The following ATP4A variants were observed in gnomAD, a reference collection of about 807,000 sequenced individuals.
ATP4A encodes the protein ATPase H+/K+ transporting subunit alpha.
A neutral mutation model predicts 112.1 loss-of-function variants in ATP4A; 73 were observed. The observed-to-expected ratio is 0.65, with a 90% CI of 0.54 to 0.79. ATP4A has a LOEUF of 0.79. Ranked by LOEUF, ATP4A falls within the 30% of genes least tolerant of loss-of-function variation. ATP4A has a pLI of 0.00. For missense variants in ATP4A, 1,081 were observed against 1,425.9 expected, an observed-to-expected ratio of 0.76 and a Z score of 3.90; for synonymous variants, 588 against 588.9, an observed-to-expected ratio of 1.00 and a Z score of 0.02.
Position 35,558,881 on chromosome 19 carries a change from G to A in ATP4A, c.1255+112C>T. ...GGTAGCGAGTCTCCTTTGAGACCTGGAGCCGAGCCGCCCCGCCTTCGTACA... is the reference window on the plus strand; with the variant it reads ...GGTAGCGAGTCTCCTTTGAGACCTGAAGCCGAGCCGCCCCGCCTTCGTACA... On this transcript the variant is annotated intron_variant, in intron 8 of 21. Transcript: ENST00000262623. The surrounding 1 kb of genome is among the most constrained non-coding windows in gnomAD (Gnocchi z 5.1). 7.1e-7 allele frequency: 1 copy of A among 1,401,186 alleles called. No individual in the cohort carries two copies. The highest frequency in any genetic ancestry group is 9.8e-7 in the Non-Finnish European group (1 of 1,016,192). 86.8% of individuals were successfully genotyped at this position (1,401,186 alleles called of 1,614,324 possible).
In ATP4A at chr19:35,554,295, C is replaced by T. The variant is rs577458874; in HGVS notation, c.2482-466G>A. Among the ~76,000 whole-genome samples, 585 of 152,168 alleles carry T rather than the reference C, an allele frequency of 3.8e-3. 2 individuals are homozygous for T. The highest frequency in any genetic ancestry group is 0.013 in the African/African-American group (548 of 41,496). On this transcript the variant is annotated intron_variant, in intron 16 of 21. Transcript: ENST00000262623. Reference sequence around the variant, plus strand: ...CCTGTGACTGCTCAAGCTCAAGTCACAGCCGGGCCACTTATTTGCCCAGTG... The same window carrying T: ...CCTGTGACTGCTCAAGCTCAAGTCATAGCCGGGCCACTTATTTGCCCAGTG...
chr19:35,553,974 C>G (rs771931869), intron 16 of ATP4A, 145 bp from the exon 17 acceptor site: 156 of 1,175,124 alleles, frequency 1.3e-4, no homozygotes, highest in Non-Finnish European at 1.7e-4. Flanking sequence ...GCCACACCAG[C>G]CTGGACAGCC....
Position 35,557,577 on chromosome 19 carries a change from T to C in ATP4A, c.1693+78A>G. 2.7e-6 allele frequency: 4 copies of C among 1,480,400 alleles called. No individual in the cohort carries two copies. Among genetic ancestry groups the C allele is most frequent in the Non-Finnish European group, 3.6e-6 (4 of 1,101,272 alleles). 91.7% of individuals were successfully genotyped at this position (1,480,400 alleles called of 1,614,324 possible). Reference sequence around the variant, plus strand: ...AGCCAGGGATGAGGACGGTCAGGGCTGGGCCGGGAGTGGTGGGCAGGGTCT... The same window carrying C: ...AGCCAGGGATGAGGACGGTCAGGGCCGGGCCGGGAGTGGTGGGCAGGGTCT... On this transcript the variant is annotated intron_variant, in intron 11 of 21. Coordinates refer to ENST00000262623, the MANE Select transcript of ATP4A (RefSeq NM_000704.3). This position sits in a 1 kb window ranked among gnomAD's most constrained non-coding sequence, Gnocchi z 4.4.
chr19:35,559,254 G>T lies in ATP4A; in HGVS notation c.1057-63C>A, dbSNP rs566430523. On this transcript the variant is annotated intron_variant, in intron 7 of 21. Coordinates refer to ENST00000262623, the MANE Select transcript of ATP4A (RefSeq NM_000704.3). The surrounding 1 kb of genome is among the most constrained non-coding windows in gnomAD (Gnocchi z 4.1). ...CCTGGCTTCCAGTCCTCTTCCCCGC[G>T]TCAAAGAACGGGGAAGGCTTTACCC... 8 of 1,544,218 alleles carry T rather than the reference G, an allele frequency of 5.2e-6. No homozygotes were observed. The East Asian group carries it at 1.3e-4, about 26-fold the overall frequency.
At position 35,551,628 on chromosome 19, in the gene ATP4A, C is replaced by G. The variant is rs764113898; in HGVS notation, c.2752-48G>C. 3 of 1,585,516 alleles carry G rather than the reference C, an allele frequency of 1.9e-6. No homozygotes were observed. The highest frequency in any genetic ancestry group is 1.7e-6 in the Non-Finnish European group (2 of 1,165,666). On this transcript the variant is annotated intron_variant, in intron 18 of 21. Transcript: ENST00000262623. This position sits in a 1 kb window ranked among gnomAD's most constrained non-coding sequence, Gnocchi z 5.2. ...AACAGCCTGAGTCCAGCCTGAGTCC[C>G]GGCGGAGAGCCTCTGCAGCCCACCG...
Position 35,555,959 on chromosome 19 carries a change from G to A in ATP4A, c.1870-147C>T. Reference sequence around the variant, plus strand: ...TGCCTGGGATATAGCAGAGACAAAAGAGACAAAAATCCCTGTCCTTGAGGA... The same window carrying A: ...TGCCTGGGATATAGCAGAGACAAAAAAGACAAAAATCCCTGTCCTTGAGGA... On this transcript the variant is annotated intron_variant, in intron 12 of 21. Transcript: ENST00000262623. This position sits in a 1 kb window ranked among gnomAD's most constrained non-coding sequence, Gnocchi z 6.6. 8.7e-7 allele frequency: 1 copy of A among 1,154,392 alleles called. No homozygotes were observed. Among genetic ancestry groups the A allele is most frequent in the Non-Finnish European group, 1.2e-6 (1 of 857,040 alleles). The allele number at this position is 1,154,392 out of a possible 1,614,324, so 71.5% of individuals were successfully genotyped here.
Position 35,550,509 on chromosome 19 carries a change from G to T in ATP4A, c.*106C>A. 1 of 1,453,946 alleles carries T rather than the reference G, an allele frequency of 6.9e-7. No homozygotes were observed. Among genetic ancestry groups the T allele is most frequent in the South Asian group, 1.2e-5 (1 of 84,104 alleles). The allele number at this position is 1,453,946 out of a possible 1,614,324, so 90.1% of individuals were successfully genotyped here. On this transcript the variant is annotated 3_prime_UTR_variant, in exon 22 of 22. Coordinates refer to ENST00000262623, the MANE Select transcript of ATP4A (RefSeq NM_000704.3). The surrounding 1 kb of genome is among the most constrained non-coding windows in gnomAD (Gnocchi z 4.1). Reference sequence around the variant, plus strand: ...TACAGAAGCAGATACTGGTGGGGCTGGGACTCTTGGTTGCTCAGATATCTT... The same window carrying T: ...TACAGAAGCAGATACTGGTGGGGCTTGGACTCTTGGTTGCTCAGATATCTT...
rs1056131986 is a variant in ATP4A at position 35,558,216 on chromosome 19, A to G, written c.1500+146T>C. Reference sequence around the variant, plus strand: ...GGCCTTGCCTCTGGTGGACGGGGCCATAGGCGGAGCGGGAGATGGGGTGGG... The same window carrying G: ...GGCCTTGCCTCTGGTGGACGGGGCCGTAGGCGGAGCGGGAGATGGGGTGGG... On this transcript the variant is annotated intron_variant, in intron 10 of 21. Coordinates refer to ENST00000262623, the MANE Select transcript of ATP4A (RefSeq NM_000704.3). The surrounding 1 kb of genome is among the most constrained non-coding windows in gnomAD (Gnocchi z 5.1). The G allele has an allele frequency of 1.3e-5, 14 of 1,113,046 alleles. No individual in the cohort carries two copies. The African/African-American group carries it at 1.4e-4, about 11-fold the overall frequency. 68.9% of individuals were successfully genotyped at this position (1,113,046 alleles called of 1,614,324 possible).
At chr19:35,561,749 C>G (rs563042008) in intron 4 of ATP4A, among the ~76,000 whole-genome samples, 1 of 151,962 alleles carries the variant, frequency 6.6e-6, no homozygotes, top group East Asian at 1.9e-4. Flanking sequence ...TGGGTCCCTG[C>G]CCTGGTGTCC....
chr19:35,562,704 G>A, intron 3 of ATP4A, 66 bp from the exon 4 acceptor site: 1 of 1,466,310 alleles, frequency 6.8e-7, no homozygotes, highest in Non-Finnish European at 9.1e-7. Flanking sequence ...CCCGTGGAAA[G>A]CCCCCTGCTT....
At position 35,558,954 on chromosome 19, in the gene ATP4A, A is replaced by G; in HGVS notation, c.1255+39T>C. ...CCTCTTCAGGTCTCCACCATCCACC[A>G]GATCCTGCCCTGGCGCCTGTGCCCT... is the stretch of plus-strand genomic sequence containing the variant. On this transcript the variant is annotated intron_variant, in intron 8 of 21. Transcript: ENST00000262623. This position sits in a 1 kb window ranked among gnomAD's most constrained non-coding sequence, Gnocchi z 5.1. The G allele has an allele frequency of 6.2e-7, 1 of 1,609,966 alleles. No homozygotes were observed. Among genetic ancestry groups the G allele is most frequent in the Non-Finnish European group, 8.5e-7 (1 of 1,176,834 alleles).
Position 35,563,368 on chromosome 19 carries a change from C to G in ATP4A, c.156+16G>C. ...GCCTACCCTCCAGCTCCCGCCCCTCCCCAGTCAGAGCTCACAATCTCCATC... is the reference window on the plus strand; with the variant it reads ...GCCTACCCTCCAGCTCCCGCCCCTCGCCAGTCAGAGCTCACAATCTCCATC... On this transcript the variant is annotated intron_variant, in intron 2 of 21. Coordinates refer to ENST00000262623, the MANE Select transcript of ATP4A (RefSeq NM_000704.3). The G allele has an allele frequency of 1.2e-6, 2 of 1,613,684 alleles. No individual in the cohort carries two copies. The highest frequency in any genetic ancestry group is 1.7e-6 in the Non-Finnish European group (2 of 1,179,856).
rs1437642159 is a variant in ATP4A at position 35,550,535 on chromosome 19, G to C, written c.*80C>G. 30 of 1,562,270 alleles carry C rather than the reference G, an allele frequency of 1.9e-5. No homozygotes were observed. The East Asian group carries it at 6.5e-4, about 34-fold the overall frequency. On this transcript the variant is annotated 3_prime_UTR_variant, in exon 22 of 22. Transcript: ENST00000262623. The surrounding 1 kb of genome is among the most constrained non-coding windows in gnomAD (Gnocchi z 4.1). ...GGACTCTTGGTTGCTCAGATATCTT[G>C]GTGGCTGTCCAGAGGGTCCCACGAG...
Position 35,559,731 on chromosome 19 carries a change from G to A in ATP4A, c.1056+74C>T, listed in dbSNP as rs1479083303. 3 of 1,556,734 alleles carry A rather than the reference G, an allele frequency of 1.9e-6. No homozygotes were observed. Among genetic ancestry groups the A allele is most frequent in the Non-Finnish European group, 8.7e-7 (1 of 1,149,094 alleles). On this transcript the variant is annotated intron_variant, in intron 7 of 21. Transcript: ENST00000262623. The surrounding 1 kb of genome is among the most constrained non-coding windows in gnomAD (Gnocchi z 4.1). ...AGATAGACAGGCAGGGAGGTGATGG[G>A]GGAAATGTGGAGGAAAGAACAGATG...
At position 35,558,773 on chromosome 19, in the gene ATP4A, G is replaced by T; in HGVS notation, c.1256-87C>A. ...CCCTCCTCCTAGGCTCATATCGCGG[G>T]CCCCCTCCCCAGACCTGGGTGGAAT... On this transcript the variant is annotated intron_variant, in intron 8 of 21. Transcript: ENST00000262623. This position sits in a 1 kb window ranked among gnomAD's most constrained non-coding sequence, Gnocchi z 5.1. 1.4e-6 allele frequency: 2 copies of T among 1,403,282 alleles called. No homozygotes were observed. The highest frequency in any genetic ancestry group is 1.9e-6 in the Non-Finnish European group (2 of 1,048,724). The allele number at this position is 1,403,282 out of a possible 1,614,324, so 86.9% of individuals were successfully genotyped here.
At chr19:35,562,182 A>G (rs2071674813) in intron 4 of ATP4A, among the ~76,000 whole-genome samples, 1 of 151,972 alleles carries the variant, frequency 6.6e-6, no homozygotes, top group South Asian at 2.1e-4. Flanking sequence ...TACGTATCAC[A>G]TTGCCATACT....
intron 12 of ATP4A, 87 bp downstream of exon 12, chr19:35,556,826 A>G: frequency 6.7e-7 from 1 of 1,493,252 alleles, no homozygotes; most frequent in African/African-American, 1.4e-5. Context: ...AGCCAGTTTC[A>G]GGTGGGTTTG....
At chr19:35,553,295 CAGACAGGGACACGGGAAG>C in intron 17 of ATP4A, 113 bp from the exon 18 acceptor site, 1 of 1,234,356 alleles carries the variant, frequency 8.1e-7, no homozygotes, top group Non-Finnish European at 1.1e-6. Context: ...CAAGGACACA[CAGACAGGGACACGGGAAG>C]AGAGACAGGG....
Position 35,550,919 on chromosome 19 carries a change from C to T in ATP4A, c.2994G>A (p.Gln998=), listed in dbSNP as rs1263306590. Reference sequence around the variant, plus strand: ...CGTAGGGCAGGGGGACCAGCCACCACTGGAACCTGAAGGCACATGGCAAGG... The same window carrying T: ...CGTAGGGCAGGGGGACCAGCCACCATTGGAACCTGAAGGCACATGGCAAGG... ...NIFNFMPIRF[Q]WWLVPLPYGI... is the part of the protein sequence containing the mutation. The change falls in exon 21 of 22, where the codon CAG becomes CAA. Residue 998 remains glutamine, a synonymous_variant. Transcript: ENST00000262623. The surrounding 1 kb of genome is among the most constrained non-coding windows in gnomAD (Gnocchi z 4.1). 1.2e-6 allele frequency: 2 copies of T among 1,614,040 alleles called. No homozygotes were observed. The highest frequency in any genetic ancestry group is 1.7e-6 in the Non-Finnish European group (2 of 1,180,012).
Sources: allele counts gnomAD v4.1 joint callset (sites outside exome capture counted in the v4.1 genomes callset), GRCh38; gene constraint gnomAD v4.1.1; non-coding constraint Gnocchi (gnomAD v3.1); transcripts MANE v1.5; gene names NCBI Gene and HGNC (gene_info 2026-07-23, HGNC 2026-07-21).